The following ATXN7L1 variants were observed in gnomAD, a reference collection of about 807,000 sequenced individuals.
ATXN7L1 encodes the protein ataxin 7 like 1.
In ATXN7L1, 15 loss-of-function variants were observed where a neutral mutation model predicts 70.8. That is an observed-to-expected ratio of 0.21 (90% CI 0.14 to 0.33). ATXN7L1 has a LOEUF of 0.33. Ranked by LOEUF, ATXN7L1 falls within the 10% of genes least tolerant of loss-of-function variation. ATXN7L1 has a pLI of 1.00. For synonymous variants in ATXN7L1, 440 were observed against 445.1 expected (o/e 0.99, Z 0.14); for missense variants, 975 against 1,097.1 (o/e 0.89, Z 1.57).
At chr7:105,729,301 G>GAATAAATA (rs56308500) in intron 3 of ATXN7L1, among the ~76,000 whole-genome samples, 3,991 of 147,630 alleles carry the variant, frequency 0.027, 79 homozygotes, top group South Asian at 0.086. Context: ...ATGAATGAAT[G>GAATAAATA]AATAAATAAA....
intron 3 of ATXN7L1, among the ~76,000 whole-genome samples, chr7:105,682,708 C>T (rs1237844930): frequency 1.3e-5 from 2 of 151,710 alleles, no homozygotes; most frequent in African/African-American, 4.9e-5. Context: ...AGTATGATTC[C>T]ATTTAAATGA....
rs201772235 is a variant in ATXN7L1 at position 105,855,861 on chromosome 7, ATTAT to A, written c.250+19947_250+19950del. 2.9e-4 allele frequency among the ~76,000 whole-genome samples: 44 copies of A among 152,342 alleles called. No homozygotes were observed. In the East Asian group the frequency reaches 8.5e-3, roughly 29 times the overall value. ...ATTAGGTATTATAAGTAATCTAGAG[ATTAT>A]TTAAAGTCTATGAAAAAACTGTATA... On this transcript the variant is annotated intron_variant, in intron 2 of 11. Transcript: ENST00000419735.
chr7:105,796,507 A>C (rs1356386659), intron 2 of ATXN7L1, among the ~76,000 whole-genome samples: 1 of 152,180 alleles, frequency 6.6e-6, no homozygotes, highest in Admixed American at 6.5e-5. Context: ...GAAAACTATC[A>C]AAAAGCTGTG....
At chr7:105,766,494 T>C (rs1584953176) in intron 3 of ATXN7L1, among the ~76,000 whole-genome samples, 1 of 152,216 alleles carries the variant, frequency 6.6e-6, no homozygotes, top group Non-Finnish European at 1.5e-5. Context: ...CACAAACGTA[T>C]GATTCATTTC....
At chr7:105,732,328 G>A (rs952657731) in intron 3 of ATXN7L1, among the ~76,000 whole-genome samples, 2 of 152,136 alleles carry the variant, frequency 1.3e-5, no homozygotes, top group African/African-American at 4.8e-5. Flanking sequence ...CAGGAGCATT[G>A]CTTGAACCTG....
At position 105,788,367 on chromosome 7, in the gene ATXN7L1, T is replaced by C. The variant is rs574495969; in HGVS notation, c.355+237A>G. 25 of 502,064 alleles carry C rather than the reference T, an allele frequency of 5.0e-5. No individual in the cohort carries two copies. In the South Asian group the frequency reaches 5.7e-4, roughly 11 times the overall value. The allele number at this position is 502,064 out of a possible 1,614,324, so 31.1% of individuals were successfully genotyped here. ...GGCAGATGGCTTCAGTCTAGTCCCA[T>C]CGACCGAGACAAGTTGCAGGTTTTC... On this transcript the variant is annotated intron_variant, in intron 3 of 11. Transcript: ENST00000419735.
intron 4 of ATXN7L1, among the ~76,000 whole-genome samples, chr7:105,647,193 C>A (rs182465831): frequency 6.6e-6 from 1 of 152,190 alleles, no homozygotes; most frequent in African/African-American, 2.4e-5. Context: ...CTTGCAAGTT[C>A]CAGATCTAGT....
intron 2 of ATXN7L1, among the ~76,000 whole-genome samples, chr7:105,847,284 G>A (rs1814195955): frequency 6.6e-6 from 1 of 152,154 alleles, no homozygotes; most frequent in Non-Finnish European, 1.5e-5. Context: ...AACATTGGGA[G>A]TTGGCCACTA....
intron 3 of ATXN7L1, among the ~76,000 whole-genome samples, chr7:105,693,429 C>T (rs1408744685): frequency 6.6e-6 from 1 of 152,176 alleles, no homozygotes; most frequent in African/African-American, 2.4e-5. Context: ...TGGCCTCAGG[C>T]AGTCCTCCCG....
chr7:105,651,786 A>T (rs1799878844), intron 4 of ATXN7L1, among the ~76,000 whole-genome samples: 1 of 152,218 alleles, frequency 6.6e-6, no homozygotes, highest in African/African-American at 2.4e-5. Context: ...GAGGAACTCC[A>T]GCCTCCTCAT....
At chr7:105,735,245 C>T (rs1432030345) in intron 3 of ATXN7L1, among the ~76,000 whole-genome samples, 3 of 152,154 alleles carry the variant, frequency 2.0e-5, no homozygotes, top group African/African-American at 7.2e-5. Context: ...ACTAGCTCAG[C>T]CAGGCATTGT....
chr7:105,805,862 G>C (rs1169139926), intron 2 of ATXN7L1, among the ~76,000 whole-genome samples: 1 of 152,198 alleles, frequency 6.6e-6, no homozygotes, highest in African/African-American at 2.4e-5. Flanking sequence ...TGGGGGGAAG[G>C]GCAGGAGATA....
chr7:105,824,254 C>A (rs1317345194), intron 2 of ATXN7L1, among the ~76,000 whole-genome samples: 1 of 152,128 alleles, frequency 6.6e-6, no homozygotes, highest in Non-Finnish European at 1.5e-5. Context: ...AATGGGCCAC[C>A]AGTAAAAAGC....
chr7:105,650,110 T>C (rs1015256482), intron 4 of ATXN7L1, among the ~76,000 whole-genome samples: 1 of 152,240 alleles, frequency 6.6e-6, no homozygotes, highest in African/African-American at 2.4e-5. Context: ...GAGGAAATTA[T>C]TTATATCCAA....
chr7:105,794,536 C>T (rs1449769257), intron 2 of ATXN7L1, among the ~76,000 whole-genome samples: 2 of 152,228 alleles, frequency 1.3e-5, no homozygotes, highest in Non-Finnish European at 2.9e-5. Context: ...AGCATCACTG[C>T]TTCCTGGCTC....
chr7:105,875,984 A>G (rs1819212900), intron 1 of ATXN7L1, 104 bp from the exon 2 acceptor site: 2 of 972,472 alleles, frequency 2.1e-6, no homozygotes, highest in East Asian at 4.8e-5. Context: ...ACAGATCGAT[A>G]TAAATACTGT....
intron 2 of ATXN7L1, among the ~76,000 whole-genome samples, chr7:105,851,619 G>A (rs979943962): frequency 5.3e-5 from 8 of 152,148 alleles, no homozygotes; most frequent in Admixed American, 1.3e-4. Context: ...TATTCCTCAC[G>A]TGTTTCCATC....
At chr7:105,760,380 G>A in intron 3 of ATXN7L1, 4 of 951,360 alleles carry the variant, frequency 4.2e-6, no homozygotes, top group Non-Finnish European at 5.0e-6. Context: ...GGCTCTGAGA[G>A]GATCTGCAAT....
chr7:105,637,946 C>T (rs1170412443), intron 7 of ATXN7L1, among the ~76,000 whole-genome samples: 1 of 152,134 alleles, frequency 6.6e-6, no homozygotes, highest in East Asian at 1.9e-4. Context: ...TTCCCTACTC[C>T]GCTCCAGGAA....
Sources: gnomAD v4.1 joint callset for allele counts (sites outside exome capture counted in the v4.1 genomes callset) on GRCh38, gnomAD v4.1.1 for gene constraint, MANE v1.5 for transcripts, NCBI Gene and HGNC (gene_info 2026-07-23, HGNC 2026-07-21) for gene names.